The following SLC24A3 variants were observed in gnomAD, a reference collection of about 807,000 sequenced individuals.
SLC24A3 encodes sodium/potassium/calcium exchanger 3.
A neutral mutation model predicts 75.8 loss-of-function variants in SLC24A3; 28 were observed. That is an observed-to-expected ratio of 0.37 (90% CI 0.27 to 0.51). SLC24A3 has a LOEUF of 0.51. Ranked by LOEUF, SLC24A3 falls within the 20% of genes least tolerant of loss-of-function variation. The pLI is 0.94. For synonymous variants in SLC24A3, 372 were observed against 334.1 expected, an observed-to-expected ratio of 1.11 and a Z score of -1.24; for missense variants, 663 against 847.8, an observed-to-expected ratio of 0.78 and a Z score of 2.71.
intron 2 of SLC24A3, among the ~76,000 whole-genome samples, chr20:19,404,194 A>C (rs763563820): frequency 6.6e-6 from 1 of 152,154 alleles, no homozygotes; most frequent in Non-Finnish European, 1.5e-5. Flanking sequence ...AGTGCCTACT[A>C]TGTGTGTCAG....
At chr20:19,412,886 CTT>C (rs1396990233) in intron 2 of SLC24A3, among the ~76,000 whole-genome samples, 10 of 152,290 alleles carry the variant, frequency 6.6e-5, no homozygotes, top group Non-Finnish European at 1.5e-4. Context: ...GCCTCCTTCT[CTT>C]TGATGTATCT....
chr20:19,345,699 A>T (rs1985378351), intron 2 of SLC24A3, among the ~76,000 whole-genome samples: 1 of 152,074 alleles, frequency 6.6e-6, no homozygotes, highest in Non-Finnish European at 1.5e-5. Flanking sequence ...GCTCAACATC[A>T]CTAATTATCA....
At chr20:19,557,037 T>G (rs1168476320) in intron 3 of SLC24A3, among the ~76,000 whole-genome samples, 1 of 152,164 alleles carries the variant, frequency 6.6e-6, no homozygotes, top group Non-Finnish European at 1.5e-5. Flanking sequence ...CCCCAGCCCT[T>G]TGGAGATCCT....
At chr20:19,432,349 A>G (rs1420299915) in intron 2 of SLC24A3, among the ~76,000 whole-genome samples, 1 of 150,558 alleles carries the variant, frequency 6.6e-6, no homozygotes, top group African/African-American at 2.4e-5. Flanking sequence ...CAGAGTCAAA[A>G]TTTAAAAAGT....
At chr20:19,438,042 C>T (rs1987236740) in intron 2 of SLC24A3, among the ~76,000 whole-genome samples, 1 of 152,194 alleles carries the variant, frequency 6.6e-6, no homozygotes, top group African/African-American at 2.4e-5. Context: ...AAGGCTCTGG[C>T]ATTAGTGCCC....
chr20:19,341,242 A>T (rs1194804202), intron 2 of SLC24A3, among the ~76,000 whole-genome samples: 1 of 152,252 alleles, frequency 6.6e-6, no homozygotes, highest in Non-Finnish European at 1.5e-5. Flanking sequence ...TGGAGAGGTT[A>T]GCTTATTCAG....
rs1052225911 is a variant in SLC24A3 at position 19,230,061 on chromosome 20, G to T, written c.142+17077G>T. ...AAATTTACATCTTCTTCCCATAATAGATTTTTTTTTTTTTTAGAAGAATAG... is the reference window on the plus strand; with the variant it reads ...AAATTTACATCTTCTTCCCATAATATATTTTTTTTTTTTTTAGAAGAATAG... On this transcript the variant is annotated intron_variant, in intron 1 of 16. Transcript: ENST00000328041. 5.6e-5 allele frequency among the ~76,000 whole-genome samples: 7 copies of T among 124,812 alleles called. No individual in the cohort carries two copies. In the East Asian group the frequency reaches 1.3e-3, roughly 23 times the overall value. The allele number at this position is 124,812 out of a possible 152,430, so 81.9% of individuals were successfully genotyped here. A position where few individuals can be genotyped will look rare whatever the true frequency, so the allele number is the denominator to read the frequency against.
intron 9 of SLC24A3, among the ~76,000 whole-genome samples, chr20:19,674,412 T>A (rs2032501230): frequency 6.6e-6 from 1 of 152,224 alleles, no homozygotes; most frequent in South Asian, 2.1e-4. Context: ...TGTACTGGAC[T>A]GGTGTGGGAG....
At chr20:19,675,996 T>G (rs539594114) in intron 9 of SLC24A3, among the ~76,000 whole-genome samples, 102 of 152,342 alleles carry the variant, frequency 6.7e-4, no homozygotes, top group Admixed American at 1.2e-3. Context: ...GTGGATTAGT[T>G]GATTATTCTG....
chr20:19,625,270 G>T (rs561807637), intron 6 of SLC24A3, among the ~76,000 whole-genome samples: 70 of 152,288 alleles, frequency 4.6e-4, no homozygotes, highest in Non-Finnish European at 8.1e-4. Flanking sequence ...TCTACTAGAT[G>T]AATCAAGGAT....
intron 2 of SLC24A3, among the ~76,000 whole-genome samples, chr20:19,349,715 C>T (rs1031227377): frequency 6.6e-6 from 1 of 152,182 alleles, no homozygotes; most frequent in Admixed American, 6.5e-5. Context: ...ACTTTGTTGA[C>T]TCCTTTGTTG....
chr20:19,579,940 G>C, intron 3 of SLC24A3, 60 bp from the exon 4 acceptor site: 1 of 1,305,256 alleles, frequency 7.7e-7, no homozygotes, highest in Admixed American at 1.8e-5. Flanking sequence ...GTGGCTGGAC[G>C]TTCATCTTCC....
At chr20:19,560,903 A>G (rs1169673096) in intron 3 of SLC24A3, among the ~76,000 whole-genome samples, 2 of 152,168 alleles carry the variant, frequency 1.3e-5, no homozygotes, top group Non-Finnish European at 2.9e-5. Context: ...CCAAACAAAT[A>G]ATTTCTCCAT....
At chr20:19,588,222 G>A (rs2031326826) in intron 6 of SLC24A3, among the ~76,000 whole-genome samples, 1 of 152,148 alleles carries the variant, frequency 6.6e-6, no homozygotes, top group South Asian at 2.1e-4. Context: ...TGGTGCAGTG[G>A]AATGTTACGG....
intron 2 of SLC24A3, among the ~76,000 whole-genome samples, chr20:19,453,245 G>T (rs149843020): frequency 1.3e-5 from 2 of 152,098 alleles, no homozygotes; most frequent in Non-Finnish European, 2.9e-5. Flanking sequence ...AGCTACTCAG[G>T]TGACTGAGGC....
intron 2 of SLC24A3, among the ~76,000 whole-genome samples, chr20:19,442,974 A>T (rs1023560721): frequency 4.6e-5 from 7 of 152,122 alleles, no homozygotes; most frequent in Admixed American, 2.6e-4. Flanking sequence ...ATTGCCTTTG[A>T]TACCTTGTCA....
At chr20:19,693,126 G>C (rs2032764200) in intron 12 of SLC24A3, 133 bp from the exon 13 acceptor site, 1 of 972,144 alleles carries the variant, frequency 1.0e-6, no homozygotes, top group Non-Finnish European at 1.4e-6. Flanking sequence ...GAATGTTTTA[G>C]AAAAAGAGCA....
At chr20:19,300,962 C>G (rs1222234106) in intron 2 of SLC24A3, among the ~76,000 whole-genome samples, 4 of 152,092 alleles carry the variant, frequency 2.6e-5, no homozygotes, top group Non-Finnish European at 5.9e-5. Flanking sequence ...CCATGTTGTC[C>G]CCACGTGCTG....
chr20:19,675,584 T>C (rs925596697), intron 9 of SLC24A3, among the ~76,000 whole-genome samples: 1 of 152,220 alleles, frequency 6.6e-6, no homozygotes, highest in South Asian at 2.1e-4. Context: ...ATCCAATGGT[T>C]ACTGTAGACC....
Sources: gnomAD v4.1 joint callset for allele counts (sites outside exome capture counted in the v4.1 genomes callset) on GRCh38, gnomAD v4.1.1 for gene constraint, MANE v1.5 for transcripts, NCBI Gene and HGNC (gene_info 2026-07-23, HGNC 2026-07-21) for gene names.